FBXO4: variants seen among roughly 807,000 people sequenced by gnomAD.
FBXO4 encodes the protein F-box protein 4, also known as F-box only protein 4.
In FBXO4, 36 loss-of-function variants were observed where a neutral mutation model predicts 43.7. The ratio of observed to expected loss-of-function variants is 0.82; its 90% CI spans 0.63 to 1.09. The LOEUF (loss-of-function observed/expected upper bound fraction) is 1.09, where lower values mean the gene tolerates loss of function less well. FBXO4 is among the 50% of genes least tolerant of loss of function. The pLI is 0.00. For synonymous variants in FBXO4, 180 were observed against 165.6 expected (o/e 1.09, Z -0.67); for missense variants, 435 against 474.1 (o/e 0.92, Z 0.77).
chr5:41,986,358 A>G, the FBXO4 span, among the ~76,000 whole-genome samples: 2 of 152,134 alleles, frequency 1.3e-5, no homozygotes, highest in Admixed American at 1.3e-4. Flanking sequence ...TCCAAGCCCC[A>G]CAACAACTAT....
chr5:41,967,036 C>G, the FBXO4 span: 1 of 267,828 alleles, frequency 3.7e-6, no homozygotes, highest in African/African-American at 2.3e-5. Flanking sequence ...TCATTTTAAA[C>G]CATTTCAGTG....
chr5:41,972,441 C>G, the FBXO4 span, among the ~76,000 whole-genome samples: 3 of 151,774 alleles, frequency 2.0e-5, no homozygotes, highest in Non-Finnish European at 4.4e-5. Flanking sequence ...CTGAAAGAAA[C>G]AAGAGATAAT....
the FBXO4 span, among the ~76,000 whole-genome samples, chr5:41,949,323 C>A: frequency 3.8e-3 from 583 of 152,230 alleles, 8 homozygotes; most frequent in African/African-American, 0.014. Flanking sequence ...AAAACCTCAT[C>A]GTCTCAGCCC....
At chr5:42,010,676 G>A in the FBXO4 span, among the ~76,000 whole-genome samples, 23 of 152,124 alleles carry the variant, frequency 1.5e-4, no homozygotes, top group South Asian at 4.8e-3. Flanking sequence ...TGAAATATTT[G>A]TTTGAGTTCT....
chr5:42,017,525 A>G, the FBXO4 span, among the ~76,000 whole-genome samples: 2 of 151,962 alleles, frequency 1.3e-5, no homozygotes, highest in Non-Finnish European at 2.9e-5. Flanking sequence ...GGTTTGGGAC[A>G]TGAATTATCC....
the FBXO4 span, among the ~76,000 whole-genome samples, chr5:41,980,866 T>G: frequency 6.6e-6 from 1 of 151,984 alleles, no homozygotes; most frequent in Admixed American, 6.6e-5. Flanking sequence ...ATAGACAAGA[T>G]TTAAAAATAA....
chr5:41,929,684 C>T lies in FBXO4; in HGVS notation c.426-13C>T. 1.3e-6 allele frequency: 2 copies of T among 1,561,238 alleles called. No individual in the cohort carries two copies. The highest frequency in any genetic ancestry group is 2.4e-5 in the South Asian group (2 of 82,410). On this transcript the variant is annotated splice_polypyrimidine_tract_variant and intron_variant, in intron 2 of 6. Coordinates refer to ENST00000281623, the MANE Select transcript of FBXO4 (RefSeq NM_012176.3). The stretch of plus-strand genomic sequence containing the variant: ...TTCTGTGTTAATGTTCTAATTGTGA[C>T]AATTTTTTACAGCTATAGAATGTGC...
chr5:42,028,880 T>G, the FBXO4 span, among the ~76,000 whole-genome samples: 1 of 151,986 alleles, frequency 6.6e-6, no homozygotes, highest in Non-Finnish European at 1.5e-5. Context: ...TTAATTTTTA[T>G]CTTATTGTAC....
At chr5:41,956,954 C>T in the FBXO4 span, among the ~76,000 whole-genome samples, 11 of 152,014 alleles carry the variant, frequency 7.2e-5, no homozygotes, top group African/African-American at 2.4e-4. Flanking sequence ...TTAGGTGATC[C>T]ACCTGCCTCA....
intron 3 of FBXO4, among the ~76,000 whole-genome samples, chr5:41,932,901 A>G (rs1394616426): frequency 6.6e-6 from 1 of 152,216 alleles, no homozygotes; most frequent in Non-Finnish European, 1.5e-5. Context: ...ACACAGTCCA[A>G]GGAGGGAAGA....
At chr5:41,987,443 C>G in the FBXO4 span, among the ~76,000 whole-genome samples, 1 of 151,986 alleles carries the variant, frequency 6.6e-6, no homozygotes, top group Non-Finnish European at 1.5e-5. Flanking sequence ...TTGGGGTGTT[C>G]TCAAATTTCT....
the FBXO4 span, among the ~76,000 whole-genome samples, chr5:41,971,182 A>T: frequency 1.3e-5 from 2 of 150,514 alleles, no homozygotes; most frequent in Non-Finnish European, 3.0e-5. Flanking sequence ...ATAAAATTTT[A>T]TATTGATGTA....
chr5:41,962,983 A>AT, the FBXO4 span, among the ~76,000 whole-genome samples: 3 of 152,112 alleles, frequency 2.0e-5, no homozygotes, highest in African/African-American at 7.2e-5. Context: ...AACTTTTTGG[A>AT]TTTTAAGTCA....
the FBXO4 span, among the ~76,000 whole-genome samples, chr5:42,003,173 A>T: frequency 1.3e-5 from 2 of 152,244 alleles, no homozygotes; most frequent in Non-Finnish European, 2.9e-5. Flanking sequence ...AACTTTAAGC[A>T]ACTCAGACAA....
chr5:41,985,995 G>A, the FBXO4 span, among the ~76,000 whole-genome samples: 4 of 152,142 alleles, frequency 2.6e-5, no homozygotes, highest in South Asian at 6.2e-4. Context: ...TAAAATTCCC[G>A]ACTCTTGTCT....
the FBXO4 span, among the ~76,000 whole-genome samples, chr5:42,018,233 G>A: frequency 6.6e-6 from 1 of 151,154 alleles, no homozygotes; most frequent in Non-Finnish European, 1.5e-5. Flanking sequence ...ACTCTAGGTT[G>A]AGAAAAAATC....
the FBXO4 span, among the ~76,000 whole-genome samples, chr5:41,970,295 T>C: frequency 1.3e-5 from 2 of 152,094 alleles, no homozygotes; most frequent in Non-Finnish European, 2.9e-5. Flanking sequence ...TTACCTTGGC[T>C]AGATAATGGC....
chr5:42,003,144 G>C, the FBXO4 span, among the ~76,000 whole-genome samples: 1 of 152,142 alleles, frequency 6.6e-6, no homozygotes, highest in Admixed American at 6.5e-5. Flanking sequence ...CTTTTCAAAG[G>C]AGAAAAAATG....
chr5:42,040,148 C>T, the FBXO4 span, among the ~76,000 whole-genome samples: 9 of 152,158 alleles, frequency 5.9e-5, no homozygotes, highest in Middle Eastern at 3.4e-3. Context: ...AACTAATACA[C>T]CTCCCTTTTG....
Sources: allele counts gnomAD v4.1 joint callset (sites outside exome capture counted in the v4.1 genomes callset), GRCh38; gene constraint gnomAD v4.1.1; transcripts MANE v1.5; gene names NCBI Gene and HGNC (gene_info 2026-07-23, HGNC 2026-07-21).